The following PPP2R2D variants were observed in gnomAD, a reference collection of about 807,000 sequenced individuals.
The protein encoded by PPP2R2D is protein phosphatase 2 regulatory subunit Bdelta, also known as serine/threonine-protein phosphatase 2A 55 kDa regulatory subunit B delta isoform.
PPP2R2D carries 9 observed loss-of-function variants against 31.1 expected under a neutral mutation model. That is an observed-to-expected ratio of 0.29 (90% CI 0.17 to 0.51). PPP2R2D has a LOEUF of 0.51. PPP2R2D is among the 20% of genes least tolerant of loss of function. PPP2R2D has a pLI of 0.98. For missense variants in PPP2R2D, 391 were observed against 465.6 expected, an observed-to-expected ratio of 0.84 and a Z score of 1.48; for synonymous variants, 179 against 172.6, an observed-to-expected ratio of 1.04 and a Z score of -0.29.
chr10:131,908,881 C>G (rs1229657975), intron 2 of PPP2R2D, among the ~76,000 whole-genome samples: 5 of 152,176 alleles, frequency 3.3e-5, no homozygotes, highest in Non-Finnish European at 1.5e-5. Context: ...CAGCTTGGCA[C>G]ATCTGAAAAG....
rs115152709 is a variant in PPP2R2D, at chr10:131,915,292, G to A, written c.100+13962G>A. Among the ~76,000 whole-genome samples, 599 of 152,174 alleles carry A rather than the reference G, an allele frequency of 3.9e-3. 5 individuals carry two copies. Among genetic ancestry groups the A allele is most frequent in the African/African-American group, 0.013 (558 of 41,508 alleles). On this transcript the variant is annotated intron_variant, in intron 2 of 8. Coordinates refer to ENST00000455566, the MANE Select transcript of PPP2R2D (RefSeq NM_018461.5). ...GCGTTTGTAAACGTTCCTGGCTTTCGTAGGCATTGAAGGCTGCGTCTCAGC... is the reference window on the plus strand; with the variant it reads ...GCGTTTGTAAACGTTCCTGGCTTTCATAGGCATTGAAGGCTGCGTCTCAGC...
At chr10:131,921,313 G>A (rs899266137) in intron 2 of PPP2R2D, among the ~76,000 whole-genome samples, 1 of 152,206 alleles carries the variant, frequency 6.6e-6, no homozygotes, top group African/African-American at 2.4e-5. Context: ...CACTTTGCAG[G>A]TGCAGTTGAG....
intron 5 of PPP2R2D, among the ~76,000 whole-genome samples, chr10:131,942,179 C>T (rs1478741962): frequency 6.6e-6 from 1 of 152,190 alleles, no homozygotes; most frequent in Admixed American, 6.5e-5. Flanking sequence ...CACACCCCAC[C>T]CTCAGAAACC....
At chr10:131,932,838 T>G (rs952644411) in intron 2 of PPP2R2D, among the ~76,000 whole-genome samples, 1 of 152,084 alleles carries the variant, frequency 6.6e-6, no homozygotes, top group Admixed American at 6.5e-5. Flanking sequence ...AGCACTGCAG[T>G]GTTTCTAATT....
chr10:131,916,088 T>C (rs1345170067), intron 2 of PPP2R2D, among the ~76,000 whole-genome samples: 5 of 152,226 alleles, frequency 3.3e-5, no homozygotes, highest in Non-Finnish European at 5.9e-5. Context: ...ATAGTAACCA[T>C]AGAAATCCAT....
intron 2 of PPP2R2D, among the ~76,000 whole-genome samples, chr10:131,932,939 A>G (rs2036269553): frequency 6.6e-6 from 1 of 152,214 alleles, no homozygotes; most frequent in Admixed American, 6.5e-5. Flanking sequence ...GTCCATTATA[A>G]TTAAGTTTGA....
chr10:131,925,922 C>A (rs1554894858), intron 2 of PPP2R2D, among the ~76,000 whole-genome samples: 2 of 152,182 alleles, frequency 1.3e-5, no homozygotes, highest in African/African-American at 4.8e-5. Flanking sequence ...TGGCTCCGCC[C>A]CGTTTTTCAG....
rs782006493 is a variant in PPP2R2D at position 131,956,313 on chromosome 10, G to A, written c.*350G>A. 4.2e-5 allele frequency: 42 copies of A among 1,003,600 alleles called. No individual in the cohort carries two copies. Among genetic ancestry groups the A allele is most frequent in the African/African-American group, 1.7e-5 (1 of 58,094 alleles). The allele number at this position is 1,003,600 out of a possible 1,614,324, so 62.2% of individuals were successfully genotyped here. On this transcript the variant is annotated 3_prime_UTR_variant, in exon 9 of 9. Transcript: ENST00000455566. ...AAGAGAAAAGTTATTGTCAGATACCGCTCTTTCTCCAACTTTCCCTCTTTC... is the reference window on the plus strand; with the variant it reads ...AAGAGAAAAGTTATTGTCAGATACCACTCTTTCTCCAACTTTCCCTCTTTC...
chr10:131,938,310 T>C (rs1554896741), intron 3 of PPP2R2D, among the ~76,000 whole-genome samples: 1 of 152,228 alleles, frequency 6.6e-6, no homozygotes, highest in African/African-American at 2.4e-5. Flanking sequence ...ACCTAAGATA[T>C]TAGATATTGG....
intron 8 of PPP2R2D, among the ~76,000 whole-genome samples, chr10:131,952,929 G>A (rs111817406): frequency 6.7e-4 from 37 of 55,560 alleles, no homozygotes; most frequent in East Asian, 1.6e-3. Context: ...AGTGACTTGC[G>A]GGGGGGGTCC....
rs782706365 is a variant in PPP2R2D, at chr10:131,955,774, C to T, written c.1173C>T (p.Ser391=). ...TGACCCTGGAGGCCTCGAGAGAGAGCAGCAAACCGCGCGCCAGCCTCAAAC... is the reference window on the plus strand; with the variant it reads ...TGACCCTGGAGGCCTCGAGAGAGAGTAGCAAACCGCGCGCCAGCCTCAAAC... ...RDVTLEASRE[S]SKPRASLKPR... Residue 391 remains serine (S), a synonymous_variant, in exon 9 of 9, where the codon AGC becomes AGT. Coordinates refer to ENST00000455566, the MANE Select transcript of PPP2R2D (RefSeq NM_018461.5). 1 of 1,588,892 alleles carries T rather than the reference C, an allele frequency of 6.3e-7. No homozygotes were observed. Among genetic ancestry groups the T allele is most frequent in the Non-Finnish European group, 8.6e-7 (1 of 1,164,688 alleles).
At chr10:131,948,392 T>G (rs1199306030) in intron 8 of PPP2R2D, among the ~76,000 whole-genome samples, 5 of 152,236 alleles carry the variant, frequency 3.3e-5, no homozygotes, top group African/African-American at 1.2e-4. Flanking sequence ...GAAGATTGTC[T>G]TGCACCATTT....
chr10:131,930,302 A>G (rs1554895507), intron 2 of PPP2R2D, among the ~76,000 whole-genome samples: 3 of 152,138 alleles, frequency 2.0e-5, no homozygotes, highest in African/African-American at 7.2e-5. Flanking sequence ...TCTTGTCCCC[A>G]GACCAGTCTC....
In PPP2R2D at chr10:131,945,094, G is replaced by A. The variant is rs1308538316; in HGVS notation, c.656-201G>A. ...TCTGTGTCTCCCCCTGGGCCGGGGC[G>A]TTGCTGTAGTCTGAGTGTGCTCATC... On this transcript the variant is annotated intron_variant, in intron 6 of 8. Transcript: ENST00000455566. This position sits in a 1 kb window ranked among gnomAD's most constrained non-coding sequence, Gnocchi z 4.8. 6.6e-6 allele frequency among the ~76,000 whole-genome samples: 1 copy of A among 152,178 alleles called. No homozygotes were observed. The highest frequency in any genetic ancestry group is 6.5e-5 in the Admixed American group (1 of 15,280).
At chr10:131,927,342 T>C (rs1361064971) in intron 2 of PPP2R2D, among the ~76,000 whole-genome samples, 2 of 152,062 alleles carry the variant, frequency 1.3e-5, no homozygotes, top group Non-Finnish European at 2.9e-5. Context: ...TGGGAGAAGC[T>C]GCTGTCAGGG....
the PPP2R2D span, chr10:131,971,057 C>T: frequency 8.2e-7 from 1 of 1,225,832 alleles, no homozygotes; most frequent in Non-Finnish European, 1.2e-6. Flanking sequence ...TTCAGATCCG[C>T]AGGCTCAATT....
intron 2 of PPP2R2D, among the ~76,000 whole-genome samples, chr10:131,907,050 AT>A (rs1382171539): frequency 1.3e-5 from 2 of 152,088 alleles, no homozygotes; most frequent in Non-Finnish European, 2.9e-5. Context: ...TATATATAAA[AT>A]CTACATCTAA....
At chr10:131,907,675 G>A (rs1380576437) in intron 2 of PPP2R2D, among the ~76,000 whole-genome samples, 3 of 151,764 alleles carry the variant, frequency 2.0e-5, no homozygotes, top group East Asian at 3.9e-4. Context: ...CCCAGGAGGC[G>A]GAGCTTGCAG....
At chr10:131,908,353 C>G (rs1370329282) in intron 2 of PPP2R2D, among the ~76,000 whole-genome samples, 1 of 152,200 alleles carries the variant, frequency 6.6e-6, no homozygotes, top group East Asian at 1.9e-4. Context: ...AAATCCACCT[C>G]CAATCCCACT....
Sources: allele counts gnomAD v4.1 joint callset (sites outside exome capture counted in the v4.1 genomes callset), GRCh38; gene constraint gnomAD v4.1.1; non-coding constraint Gnocchi (gnomAD v3.1); transcripts MANE v1.5; gene names NCBI Gene and HGNC (gene_info 2026-07-23, HGNC 2026-07-21).